ARHGAP28: variants seen among roughly 807,000 people sequenced by gnomAD.
ARHGAP28 encodes Rho GTPase activating protein 28, also known as rho GTPase-activating protein 28.
In ARHGAP28, 56 loss-of-function variants were observed where a neutral mutation model predicts 90.7. The ratio of observed to expected loss-of-function variants is 0.62; its 90% CI spans 0.50 to 0.77. ARHGAP28 has a LOEUF of 0.77. Ranked by LOEUF, ARHGAP28 falls within the 30% of genes least tolerant of loss-of-function variation. ARHGAP28 has a pLI of 0.00. For missense variants in ARHGAP28, 869 were observed against 900.9 expected, an observed-to-expected ratio of 0.96 and a Z score of 0.45; for synonymous variants, 308 against 323.3, an observed-to-expected ratio of 0.95 and a Z score of 0.51.
At chr18:6,839,429 G>A (rs1258558973) in intron 3 of ARHGAP28, among the ~76,000 whole-genome samples, 1 of 151,908 alleles carries the variant, frequency 6.6e-6, no homozygotes, top group Non-Finnish European at 1.5e-5. Flanking sequence ...GAGTAACTGG[G>A]ACTATAGGCG....
At chr18:6,821,171 C>T (rs771050669) in intron 1 of ARHGAP28, among the ~76,000 whole-genome samples, 31 of 151,986 alleles carry the variant, frequency 2.0e-4, no homozygotes, top group Non-Finnish European at 2.1e-4. Flanking sequence ...AATACTAATT[C>T]CATGTGAATA....
intron 1 of ARHGAP28, among the ~76,000 whole-genome samples, chr18:6,751,687 G>A (rs982626190): frequency 6.6e-6 from 1 of 152,194 alleles, no homozygotes; most frequent in African/African-American, 2.4e-5. Context: ...CTCTACGGGG[G>A]TGTCCACCCC....
chr18:6,894,097 G>A (rs1007579532), intron 14 of ARHGAP28, among the ~76,000 whole-genome samples: 5 of 151,998 alleles, frequency 3.3e-5, no homozygotes, highest in South Asian at 2.1e-4. Flanking sequence ...TAGATCTCCC[G>A]ATCTCATGAT....
At chr18:6,781,096 G>A (rs1023190897) in intron 1 of ARHGAP28, among the ~76,000 whole-genome samples, 1 of 152,156 alleles carries the variant, frequency 6.6e-6, no homozygotes, top group Admixed American at 6.5e-5. Flanking sequence ...GTTGCTTCTG[G>A]TTAAAATTCA....
At chr18:6,843,000 T>A (rs968589026) in intron 3 of ARHGAP28, among the ~76,000 whole-genome samples, 5 of 152,222 alleles carry the variant, frequency 3.3e-5, no homozygotes, top group Non-Finnish European at 7.3e-5. Flanking sequence ...AAATATTTTT[T>A]AAAAGACATG....
intron 3 of ARHGAP28, among the ~76,000 whole-genome samples, chr18:6,844,895 T>C (rs1362778251): frequency 6.6e-6 from 1 of 152,140 alleles, no homozygotes; most frequent in Non-Finnish European, 1.5e-5. Flanking sequence ...TTATATGCCC[T>C]ACCTTTAATA....
intron 1 of ARHGAP28, among the ~76,000 whole-genome samples, chr18:6,796,564 G>A (rs1384734717): frequency 2.0e-5 from 3 of 151,960 alleles, no homozygotes; most frequent in Admixed American, 6.6e-5. Context: ...TACAGGCTAC[G>A]AGATTGGGTA....
At chr18:6,841,182 TCTCTCTCTCTCTCTCTCTCTC>T (rs1600235258) in intron 3 of ARHGAP28, among the ~76,000 whole-genome samples, 7 of 44,238 alleles carry the variant, frequency 1.6e-4, no homozygotes, top group African/African-American at 8.7e-4. Context: ...CTCTCTCTCC[TCTCTCTCTCTCTCTCTCTCTC>T]CTCTCCTCTC....
At chr18:6,738,522 C>A (rs2055947666) in intron 1 of ARHGAP28, among the ~76,000 whole-genome samples, 1 of 152,044 alleles carries the variant, frequency 6.6e-6, no homozygotes, top group Non-Finnish European at 1.5e-5. Context: ...GTGTATTTAC[C>A]TTTATACAAA....
chr18:6,892,942 T>C (rs1235117657), intron 14 of ARHGAP28, among the ~76,000 whole-genome samples: 1 of 152,202 alleles, frequency 6.6e-6, no homozygotes, highest in Admixed American at 6.5e-5. Context: ...CAGCCAGAAG[T>C]TTATGTTTTC....
chr18:6,841,193 C>CTT (rs2056818369), intron 3 of ARHGAP28, among the ~76,000 whole-genome samples: 2 of 61,312 alleles, frequency 3.3e-5, no homozygotes, highest in African/African-American at 8.3e-5. Flanking sequence ...CTCTCTCTCT[C>CTT]TCTCTCTCTC....
At chr18:6,841,180 C>CCT (rs143797436) in intron 3 of ARHGAP28, among the ~76,000 whole-genome samples, 117 of 57,052 alleles carry the variant, frequency 2.1e-3, no homozygotes, top group East Asian at 5.9e-3. Context: ...CTCTCTCTCT[C>CCT]CTCTCTCTCT....
intron 1 of ARHGAP28, among the ~76,000 whole-genome samples, chr18:6,766,416 A>G (rs929924611): frequency 6.6e-6 from 1 of 151,172 alleles, no homozygotes; most frequent in African/African-American, 2.4e-5. Context: ...TGCTGCTGAG[A>G]CCTCCTTTCC....
chr18:6,788,108 G>A (rs1426547117), intron 1 of ARHGAP28, among the ~76,000 whole-genome samples: 1 of 152,140 alleles, frequency 6.6e-6, no homozygotes, highest in Non-Finnish European at 1.5e-5. Context: ...GCTGGTGGTG[G>A]GGCCTGGTGA....
intron 1 of ARHGAP28, among the ~76,000 whole-genome samples, chr18:6,772,185 G>C (rs1191861232): frequency 6.6e-6 from 1 of 152,156 alleles, no homozygotes. Flanking sequence ...AATTGTTTCA[G>C]TGAATTAATT....
chr18:6,799,695 CTG>C (rs1468053309), intron 1 of ARHGAP28, among the ~76,000 whole-genome samples: 1 of 152,254 alleles, frequency 6.6e-6, no homozygotes, highest in East Asian at 1.9e-4. Flanking sequence ...AAAACTGAAA[CTG>C]GACCGCATCT....
intron 1 of ARHGAP28, among the ~76,000 whole-genome samples, chr18:6,760,318 A>G (rs2143325777): frequency 6.6e-6 from 1 of 152,322 alleles, no homozygotes; most frequent in Admixed American, 6.5e-5. Flanking sequence ...GAGTACTCTC[A>G]AAGTCAAGAT....
rs561147909 is a variant in ARHGAP28, at chr18:6,910,631, T to G, written c.2096-1429T>G. 6.6e-5 allele frequency among the ~76,000 whole-genome samples: 10 copies of G among 152,102 alleles called. No homozygotes were observed. In the South Asian group the frequency reaches 1.0e-3, roughly 16 times the overall value. On this transcript the variant is annotated intron_variant, in intron 17 of 17. Coordinates refer to ENST00000383472, the MANE Select transcript of ARHGAP28 (RefSeq NM_001366230.1). ...TCCTCGCACCCTCCCGAACATGCCT[T>G]CCATGCTTGGTCTTTCTCTCATGTT...
chr18:6,810,178 A>T (rs561640213), intron 1 of ARHGAP28, among the ~76,000 whole-genome samples: 8 of 152,258 alleles, frequency 5.3e-5, no homozygotes, highest in Admixed American at 4.6e-4. Context: ...TATATTTTTT[A>T]TGAGATACCA....
Sources: gnomAD v4.1 joint callset for allele counts (sites outside exome capture counted in the v4.1 genomes callset) on GRCh38, gnomAD v4.1.1 for gene constraint, MANE v1.5 for transcripts, NCBI Gene and HGNC (gene_info 2026-07-23, HGNC 2026-07-21) for gene names.